The following C10orf90 variants were observed in gnomAD, a reference collection of about 807,000 sequenced individuals.
C10orf90 encodes the protein (E2-independent) E3 ubiquitin-conjugating enzyme FATS.
A neutral mutation model predicts 62.5 loss-of-function variants in C10orf90; 56 were observed. That is an observed-to-expected ratio of 0.90 (90% CI 0.72 to 1.12). C10orf90 has a LOEUF of 1.12. Ranked by LOEUF, C10orf90 falls within the 50% of genes most tolerant of loss-of-function variation. The pLI, the probability that C10orf90 is intolerant of heterozygous loss-of-function variation, is 0.00. For missense variants in C10orf90, 970 were observed against 880.4 expected, an observed-to-expected ratio of 1.10 and a Z score of -1.29; for synonymous variants, 386 against 340.4, an observed-to-expected ratio of 1.13 and a Z score of -1.47.
chr10:126,597,249 T>C (rs1845105665), intron 2 of C10orf90, among the ~76,000 whole-genome samples: 1 of 152,252 alleles, frequency 6.6e-6, no homozygotes, highest in Non-Finnish European at 1.5e-5. Flanking sequence ...AAAAGACTTG[T>C]ATGAGAATGT....
At chr10:126,426,730 T>A (rs1453439848) in intron 8 of C10orf90, among the ~76,000 whole-genome samples, 1 of 152,116 alleles carries the variant, frequency 6.6e-6, no homozygotes, top group Admixed American at 6.5e-5. Flanking sequence ...CACAGTGGAG[T>A]CACTGTAGCC....
In C10orf90 at chr10:126,456,243, A is replaced by G. The variant is rs1393258838; in HGVS notation, c.2188+2797T>C. Among the ~76,000 whole-genome samples, 1 of 152,226 alleles carries G rather than the reference A, an allele frequency of 6.6e-6. No homozygotes were observed. The highest frequency in any genetic ancestry group is 1.5e-5 in the Non-Finnish European group (1 of 68,036). On this transcript the variant is annotated intron_variant, in intron 7 of 9. Coordinates refer to ENST00000488181, the MANE Select transcript of C10orf90 (RefSeq NM_001350921.2). This position sits in a 1 kb window ranked among gnomAD's most constrained non-coding sequence, Gnocchi z 4.9. ...TTTCTTCTCACTTGCCCGAGCTTGT[A>G]TGAGGCTCTGGTTTCAGAGGCTGTC...
chr10:126,637,865 G>A (rs890625330), intron 2 of C10orf90, among the ~76,000 whole-genome samples: 3 of 152,210 alleles, frequency 2.0e-5, no homozygotes, highest in African/African-American at 4.8e-5. Flanking sequence ...TGTGGTCCGA[G>A]CAGGTCATTC....
At chr10:126,655,334 G>C (rs1846372697) in intron 1 of C10orf90, among the ~76,000 whole-genome samples, 1 of 152,006 alleles carries the variant, frequency 6.6e-6, no homozygotes, top group Admixed American at 6.6e-5. Flanking sequence ...TATATATATA[G>C]TAATATGAAA....
At chr10:126,461,862 A>G (rs1480672435) in intron 5 of C10orf90, among the ~76,000 whole-genome samples, 1 of 152,172 alleles carries the variant, frequency 6.6e-6, no homozygotes, top group African/African-American at 2.4e-5. Context: ...TTTGCTCAAA[A>G]TGAAAAGAAA....
Position 126,513,853 on chromosome 10 carries a change from T to C in C10orf90, c.400A>G (p.Thr134Ala), listed in dbSNP as rs776700023. Residue 134 changes from threonine to alanine, a missense_variant, in exon 3 of 10, where the codon ACC becomes GCC. Coordinates refer to ENST00000488181, the MANE Select transcript of C10orf90 (RefSeq NM_001350921.2). ...SDVTEAKSDF[T>A]KETLASQNTK... The stretch of plus-strand genomic sequence containing the variant: ...AAGTTAGAAATGTATGTTACCTTGG[T>C]GAAGTCAGATTTTGCCTCTGTGACA... 1.9e-6 allele frequency: 3 copies of C among 1,600,286 alleles called. No individual in the cohort carries two copies. The highest frequency in any genetic ancestry group is 2.7e-5 in the African/African-American group (2 of 74,598).
At chr10:126,483,902 C>T (rs943400990) in intron 4 of C10orf90, among the ~76,000 whole-genome samples, 1 of 152,174 alleles carries the variant, frequency 6.6e-6, no homozygotes, top group Admixed American at 6.5e-5. Flanking sequence ...TCTGTGTCTG[C>T]TGTGGGTTGC....
chr10:126,480,143 T>G (rs1290590760), intron 4 of C10orf90, among the ~76,000 whole-genome samples: 1 of 152,242 alleles, frequency 6.6e-6, no homozygotes, highest in East Asian at 1.9e-4. Context: ...TATTATTCAC[T>G]TGTGATTATG....
rs1196906456 is a variant in C10orf90, at chr10:126,453,794, G to A, written c.2188+5246C>T. On this transcript the variant is annotated intron_variant, in intron 7 of 9. Coordinates refer to ENST00000488181, the MANE Select transcript of C10orf90 (RefSeq NM_001350921.2). The surrounding 1 kb of genome is among the most constrained non-coding windows in gnomAD (Gnocchi z 4.9). The stretch of plus-strand genomic sequence containing the variant: ...AGATGAATAAAAAGGCTGGACTTGA[G>A]AGGGGCTTGCAAGGTTAGGCAGGAT... 1.3e-5 allele frequency among the ~76,000 whole-genome samples: 2 copies of A among 152,198 alleles called. No homozygotes were observed. The highest frequency in any genetic ancestry group is 2.4e-5 in the African/African-American group (1 of 41,440).
At position 126,643,659 on chromosome 10, in the gene C10orf90, C is replaced by T. The variant is rs566166402; in HGVS notation, c.313+2906G>A. Among the ~76,000 whole-genome samples, 64 of 152,320 alleles carry T rather than the reference C, an allele frequency of 4.2e-4. 2 individuals carry two copies. In the South Asian group the frequency reaches 5.0e-3, roughly 12 times the overall value. ...AGCAACCTTGGTTCCTGTCTTTCTA[C>T]ACCCCAGTGCCTCATCTTCCCATGA... On this transcript the variant is annotated intron_variant, in intron 2 of 9. Transcript: ENST00000488181.
At chr10:126,556,155 C>A (rs941841043) in intron 2 of C10orf90, among the ~76,000 whole-genome samples, 5 of 152,176 alleles carry the variant, frequency 3.3e-5, no homozygotes, top group African/African-American at 9.7e-5. Flanking sequence ...ATGTGGGAAC[C>A]AAAATGGCCG....
At chr10:126,565,406 A>G in intron 2 of C10orf90, among the ~76,000 whole-genome samples, 1 of 26,030 alleles carries the variant, frequency 3.8e-5, no homozygotes, top group African/African-American at 1.1e-4. Context: ...TATATTATAT[A>G]TAATATATAT....
chr10:126,590,008 A>G (rs1844947947), intron 2 of C10orf90, among the ~76,000 whole-genome samples: 1 of 152,246 alleles, frequency 6.6e-6, no homozygotes, highest in African/African-American at 2.4e-5. Flanking sequence ...AAATTTACCA[A>G]GAAAATGGAA....
At chr10:126,483,034 A>G (rs1297380018) in intron 4 of C10orf90, among the ~76,000 whole-genome samples, 2 of 152,220 alleles carry the variant, frequency 1.3e-5, no homozygotes, top group Non-Finnish European at 2.9e-5. Flanking sequence ...TGCCTTCTAG[A>G]ATATATTGCT....
At chr10:126,538,507 G>T (rs1006785493) in intron 2 of C10orf90, among the ~76,000 whole-genome samples, 2 of 152,202 alleles carry the variant, frequency 1.3e-5, no homozygotes, top group Non-Finnish European at 2.9e-5. Context: ...ATCAATAAAT[G>T]CCTGTTGCTT....
At chr10:126,478,786 T>C (rs1319165000) in intron 4 of C10orf90, among the ~76,000 whole-genome samples, 2 of 152,206 alleles carry the variant, frequency 1.3e-5, no homozygotes, top group Admixed American at 1.3e-4. Flanking sequence ...GGTCTTGTCC[T>C]TTCAATGTGC....
At chr10:126,463,253 C>T (rs1453925268) in intron 5 of C10orf90, 5 of 152,416 alleles carry the variant, frequency 3.3e-5, no homozygotes. Flanking sequence ...CTCTTCACTG[C>T]TCAAAGACCC....
Position 126,524,739 on chromosome 10 carries a change from A to G in C10orf90, c.314-10800T>C, listed in dbSNP as rs1035431834. 6.1e-6 allele frequency: 6 copies of G among 985,362 alleles called. No individual in the cohort carries two copies. In the African/African-American group the frequency reaches 7.0e-5, roughly 11 times the overall value. 61.0% of individuals were successfully genotyped at this position (985,362 alleles called of 1,614,324 possible). A position where few individuals can be genotyped will look rare whatever the true frequency, so the allele number is the denominator to read the frequency against. On this transcript the variant is annotated intron_variant, in intron 2 of 9. Transcript: ENST00000488181. ...CGAGGCAAGGAGTGCACGCACCTGT[A>G]TGGCCCCTAGGGTGCCATCTAGCTC...
In C10orf90 at chr10:126,491,574, T is replaced by C. The variant is rs545407009; in HGVS notation, c.1534+12383A>G. The stretch of plus-strand genomic sequence containing the variant: ...TCTCACTCCCTAACTCCTGCAGTAA[T>C]GAAGTACGTGAAATGCTAACCATTC... On this transcript the variant is annotated intron_variant, in intron 4 of 9. Transcript: ENST00000488181. 9.8e-4 allele frequency among the ~76,000 whole-genome samples: 149 copies of C among 152,302 alleles called. 1 individual carries two copies. The highest frequency in any genetic ancestry group is 2.3e-3 in the South Asian group (11 of 4,826).
Sources: gnomAD v4.1 joint callset for allele counts (sites outside exome capture counted in the v4.1 genomes callset) on GRCh38, gnomAD v4.1.1 for gene constraint, Gnocchi (gnomAD v3.1) non-coding constraint, MANE v1.5 for transcripts, NCBI Gene and HGNC (gene_info 2026-07-23, HGNC 2026-07-21) for gene names.